Variants in RASAL2 observed in about 807,000 individuals in gnomAD.
The protein encoded by RASAL2 is ras GTPase-activating protein nGAP.
A neutral mutation model predicts 128.9 loss-of-function variants in RASAL2; 58 were observed. The ratio of observed to expected loss-of-function variants is 0.45; its 90% CI spans 0.36 to 0.56. The LOEUF (loss-of-function observed/expected upper bound fraction) is 0.56, where lower values mean the gene tolerates loss of function less well. Among genes scored for constraint, RASAL2 ranks in the 20% least tolerant of loss-of-function variants. The pLI, the probability that RASAL2 is intolerant of heterozygous loss-of-function variation, is 0.00. For missense variants in RASAL2, 1,360 were observed against 1,601.6 expected (o/e 0.85, Z 2.57); for synonymous variants, 561 against 580.8 (o/e 0.97, Z 0.49).
intron 3 of RASAL2, among the ~76,000 whole-genome samples, chr1:178,312,676 A>G (rs1668316272): frequency 6.6e-6 from 1 of 152,220 alleles, no homozygotes; most frequent in Admixed American, 6.5e-5. Context: ...CAGCCAGTTC[A>G]GACTGGAGCA....
intron 17 of RASAL2, 75 bp downstream of exon 17, chr1:178,467,496 A>C (rs1647844987): frequency 7.6e-7 from 1 of 1,323,884 alleles, no homozygotes; most frequent in Non-Finnish European, 1.1e-6. Flanking sequence ...ACCCTTGCAA[A>C]TGCCAAGGCA....
At chr1:178,130,204 T>C (rs541367690) in intron 1 of RASAL2, among the ~76,000 whole-genome samples, 8 of 152,204 alleles carry the variant, frequency 5.3e-5, no homozygotes, top group Non-Finnish European at 1.2e-4. Context: ...TCTGTTTCAT[T>C]GTCACTCTGG....
chr1:178,237,436 G>A (rs993610876), intron 1 of RASAL2, among the ~76,000 whole-genome samples: 2 of 152,168 alleles, frequency 1.3e-5, no homozygotes, highest in Non-Finnish European at 2.9e-5. Context: ...ACACAGGCTA[G>A]GGATATAGTG....
Position 178,300,179 on chromosome 1 carries a change from T to A in RASAL2, c.457+61T>A. The A allele has an allele frequency of 3.9e-6, 6 of 1,522,164 alleles. No homozygotes were observed. The South Asian group carries it at 7.6e-5, about 19-fold the overall frequency. 94.3% of individuals were successfully genotyped at this position (1,522,164 alleles called of 1,614,324 possible). ...TTTATCCCATAATTTATGGACTTGT[T>A]ACTGAGTAAAACAGAACATCCTGCA... On this transcript the variant is annotated intron_variant, in intron 3 of 17. Transcript: ENST00000367649.
intron 3 of RASAL2, among the ~76,000 whole-genome samples, chr1:178,332,900 C>A (rs1669402769): frequency 6.6e-6 from 1 of 152,066 alleles, no homozygotes; most frequent in Non-Finnish European, 1.5e-5. Flanking sequence ...CTGCGCCTGG[C>A]CAAATTGTCT....
At chr1:178,402,635 C>T (rs888777377) in intron 4 of RASAL2, among the ~76,000 whole-genome samples, 1 of 152,106 alleles carries the variant, frequency 6.6e-6, no homozygotes, top group South Asian at 2.1e-4. Flanking sequence ...TCCTGATAGA[C>T]GTTAGTAAAG....
intron 4 of RASAL2, among the ~76,000 whole-genome samples, chr1:178,419,273 A>G (rs1205884589): frequency 6.6e-6 from 1 of 151,528 alleles, no homozygotes; most frequent in East Asian, 1.9e-4. Context: ...ATTTTGTTTT[A>G]TTTTATTTAT....
At chr1:178,436,346 A>AAATAC (rs1413472998) in intron 5 of RASAL2, among the ~76,000 whole-genome samples, 50 of 152,226 alleles carry the variant, frequency 3.3e-4, no homozygotes, top group South Asian at 6.2e-4. Flanking sequence ...ATTCTGAACT[A>AAATAC]TGTATTAATT....
At chr1:178,110,915 A>T (rs1010259468) in intron 1 of RASAL2, among the ~76,000 whole-genome samples, 1 of 151,852 alleles carries the variant, frequency 6.6e-6, no homozygotes, top group African/African-American at 2.4e-5. Context: ...TGTTTTTTAA[A>T]ATTTGTATTC....
chr1:178,103,413 C>T (rs1050987039), intron 1 of RASAL2, among the ~76,000 whole-genome samples: 3 of 152,042 alleles, frequency 2.0e-5, no homozygotes, highest in African/African-American at 7.2e-5. Context: ...ATTGCTAGGT[C>T]AAAGGTACGT....
intron 1 of RASAL2, among the ~76,000 whole-genome samples, chr1:178,238,394 C>T (rs755000814): frequency 2.0e-5 from 3 of 152,070 alleles, no homozygotes; most frequent in Non-Finnish European, 2.9e-5. Context: ...CAAATTTTTA[C>T]GTGAACATAT....
chr1:178,451,715 G>A lies in RASAL2; in HGVS notation c.1772G>A (p.Cys591Tyr), dbSNP rs1445048251. The change falls in exon 10 of 18, where the codon TGT (cysteine) becomes TAT (tyrosine). Residue 591 changes from cysteine (C) to tyrosine (Y), a missense_variant and splice_region_variant. Coordinates refer to ENST00000367649, the MANE Select transcript of RASAL2 (RefSeq NM_170692.4). ...TTCTGCAAGATCATCAACTCTTACT[G>A]GTGAGCTTATCTTATCCTCTGCCTT... ...LAFCKIINSY[C>Y]VFPRELKEVF... 3 of 1,612,732 alleles carry A rather than the reference G, an allele frequency of 1.9e-6. No homozygotes were observed. The highest frequency in any genetic ancestry group is 2.5e-6 in the Non-Finnish European group (3 of 1,179,348).
chr1:178,326,020 GT>G (rs1197564633), intron 3 of RASAL2, among the ~76,000 whole-genome samples: 1 of 152,138 alleles, frequency 6.6e-6, no homozygotes, highest in Non-Finnish European at 1.5e-5. Flanking sequence ...GAGCCCAGGA[GT>G]TTGATTCTAC....
intron 17 of RASAL2, among the ~76,000 whole-genome samples, chr1:178,472,012 T>C (rs1256644688): frequency 6.6e-6 from 1 of 152,232 alleles, no homozygotes; most frequent in Non-Finnish European, 1.5e-5. Flanking sequence ...TATTTTCTTT[T>C]TAATTTTACA....
intron 1 of RASAL2, among the ~76,000 whole-genome samples, chr1:178,259,122 C>CTTTT (rs59978357): frequency 9.9e-5 from 7 of 70,534 alleles, no homozygotes; most frequent in South Asian, 7.8e-4. Context: ...AATGAAACTT[C>CTTTT]TTTTTTTTTT....
At chr1:178,302,837 C>T (rs1321344301) in intron 3 of RASAL2, among the ~76,000 whole-genome samples, 1 of 152,080 alleles carries the variant, frequency 6.6e-6, no homozygotes, top group Admixed American at 6.6e-5. Context: ...GTCAGGAGTT[C>T]AAGACCAGCC....
intron 1 of RASAL2, among the ~76,000 whole-genome samples, chr1:178,195,856 T>C (rs1009392679): frequency 4.6e-5 from 7 of 152,076 alleles, no homozygotes; most frequent in Non-Finnish European, 7.4e-5. Context: ...AAGGCTGTTA[T>C]TATAATCATA....
chr1:178,191,847 CGAAT>C (rs1259581430), intron 1 of RASAL2, among the ~76,000 whole-genome samples: 1 of 152,084 alleles, frequency 6.6e-6, no homozygotes, highest in Non-Finnish European at 1.5e-5. Flanking sequence ...AAATAAAAAA[CGAAT>C]GAATTGTAGC....
At chr1:178,294,028 A>G (rs1361883315) in intron 2 of RASAL2, among the ~76,000 whole-genome samples, 1 of 152,164 alleles carries the variant, frequency 6.6e-6, no homozygotes, top group African/African-American at 2.4e-5. Flanking sequence ...GAACTACACA[A>G]TAGGGAATGT....
Sources: allele counts gnomAD v4.1 joint callset (sites outside exome capture counted in the v4.1 genomes callset), GRCh38; gene constraint gnomAD v4.1.1; transcripts MANE v1.5; gene names NCBI Gene and HGNC (gene_info 2026-07-23, HGNC 2026-07-21).